The following MYO16 variants were observed in gnomAD, a reference collection of about 807,000 sequenced individuals.
MYO16 encodes unconventional myosin-XVI.
A neutral mutation model predicts 205.3 loss-of-function variants in MYO16; 94 were observed. The observed-to-expected ratio is 0.46, with a 90% CI of 0.39 to 0.54. The LOEUF is 0.54. MYO16 is among the 20% of genes least tolerant of loss of function. The pLI is 0.00. For missense variants in MYO16, 2,315 were observed against 2,387.5 expected (o/e 0.97, Z 0.63); for synonymous variants, 988 against 954.0 (o/e 1.04, Z -0.66).
intron 28 of MYO16, among the ~76,000 whole-genome samples, chr13:109,105,017 G>T (rs570613512): frequency 2.9e-3 from 443 of 152,298 alleles, no homozygotes; most frequent in Non-Finnish European, 5.2e-3. Flanking sequence ...CATCACGAGG[G>T]CTTTGTGTCT....
In MYO16 at chr13:108,841,704, T is replaced by C. The variant is rs1167982575; in HGVS notation, c.1098-2639T>C. Reference sequence around the variant, plus strand: ...AAACCAATATAAATAGTCAAAAGATTTGAGCCCACATTTTACCAAAGAAGA... The same window carrying C: ...AAACCAATATAAATAGTCAAAAGATCTGAGCCCACATTTTACCAAAGAAGA... On this transcript the variant is annotated intron_variant, in intron 9 of 34. Coordinates refer to ENST00000457511, the MANE Select transcript of MYO16 (RefSeq NM_001198950.3). Among the ~76,000 whole-genome samples, 3 of 152,228 alleles carry C rather than the reference T, an allele frequency of 2.0e-5. No individual in the cohort carries two copies. In the East Asian group the frequency reaches 5.8e-4, roughly 29 times the overall value.
At chr13:109,118,391 T>G (rs1338510749) in intron 28 of MYO16, among the ~76,000 whole-genome samples, 1 of 152,152 alleles carries the variant, frequency 6.6e-6, no homozygotes, top group East Asian at 1.9e-4. Flanking sequence ...TCATACTCAT[T>G]TTGTCCACCT....
At chr13:108,934,490 TA>T (rs1161204946) in intron 16 of MYO16, among the ~76,000 whole-genome samples, 4 of 152,226 alleles carry the variant, frequency 2.6e-5, no homozygotes, top group Non-Finnish European at 5.9e-5. Flanking sequence ...AGATTCTGAA[TA>T]TTAGACTTTT....
chr13:108,987,001 G>A (rs1399272017), intron 20 of MYO16, among the ~76,000 whole-genome samples: 1 of 152,136 alleles, frequency 6.6e-6, no homozygotes, highest in Non-Finnish European at 1.5e-5. Context: ...AATGAGGAGA[G>A]GCATTTTTAA....
intron 29 of MYO16, among the ~76,000 whole-genome samples, chr13:109,124,150 A>T (rs1246919357): frequency 6.6e-6 from 1 of 152,178 alleles, no homozygotes; most frequent in Non-Finnish European, 1.5e-5. Context: ...AGCCTGATCC[A>T]CTTCCACCCT....
At chr13:108,994,230 T>C (rs1884930828) in intron 21 of MYO16, among the ~76,000 whole-genome samples, 1 of 152,104 alleles carries the variant, frequency 6.6e-6, no homozygotes. Flanking sequence ...CCAGTCTCTA[T>C]TAAATGCCAA....
At chr13:109,170,829 T>A (rs1878894564) in intron 33 of MYO16, among the ~76,000 whole-genome samples, 1 of 152,142 alleles carries the variant, frequency 6.6e-6, no homozygotes. Flanking sequence ...GTTCTAAACT[T>A]CAGCATGTAA....
At chr13:108,532,720 G>A in the MYO16 span, among the ~76,000 whole-genome samples, 1 of 152,012 alleles carries the variant, frequency 6.6e-6, no homozygotes, top group African/African-American at 2.4e-5. Context: ...AAACCTGGGA[G>A]GTCGAGACTG....
At chr13:108,886,229 C>T (rs1414727211) in intron 13 of MYO16, among the ~76,000 whole-genome samples, 2 of 152,122 alleles carry the variant, frequency 1.3e-5, no homozygotes, top group African/African-American at 4.8e-5. Context: ...CCTTGTGATC[C>T]GCCCACCACA....
intron 34 of MYO16, among the ~76,000 whole-genome samples, chr13:109,191,947 C>A (rs1254246166): frequency 6.6e-6 from 1 of 152,094 alleles, no homozygotes; most frequent in Non-Finnish European, 1.5e-5. Flanking sequence ...CTCAAGATAT[C>A]AGAGAGTTGG....
Position 109,055,242 on chromosome 13 carries a change from A to C in MYO16, c.3129+116A>C. The stretch of plus-strand genomic sequence containing the variant: ...CTTAAATATCTTCACAAAAAAAGTA[A>C]ACATACACACACACACACACACACA... On this transcript the variant is annotated intron_variant, in intron 26 of 34. Transcript: ENST00000457511. This position sits in a 1 kb window ranked among gnomAD's most constrained non-coding sequence, Gnocchi z 5.0. 6 of 859,462 alleles carry C rather than the reference A, an allele frequency of 7.0e-6. No individual in the cohort carries two copies. The highest frequency in any genetic ancestry group is 1.0e-5 in the Non-Finnish European group (6 of 593,450). 53.2% of individuals were successfully genotyped at this position (859,462 alleles called of 1,614,324 possible). A position where few individuals can be genotyped will look rare whatever the true frequency, so the allele number is the denominator to read the frequency against.
At chr13:108,978,021 A>G (rs549019197) in intron 20 of MYO16, among the ~76,000 whole-genome samples, 3 of 151,936 alleles carry the variant, frequency 2.0e-5, no homozygotes, top group Non-Finnish European at 4.4e-5. Flanking sequence ...TTTTCTATCA[A>G]TTTCATGCAC....
chr13:108,707,342 C>T (rs114247039), intron 2 of MYO16, among the ~76,000 whole-genome samples: 2,495 of 152,226 alleles, frequency 0.016, 36 homozygotes, highest in Middle Eastern at 0.048. Flanking sequence ...CAATCAATGA[C>T]GTCAAGGAAC....
rs532122534 is a variant in MYO16, at chr13:109,018,668, C to T, written c.2596-1043C>T. Among the ~76,000 whole-genome samples the T allele has an allele frequency of 2.9e-4, 44 of 152,312 alleles. 2 individuals carry two copies. In the East Asian group the frequency reaches 4.4e-3, roughly 15 times the overall value. On this transcript the variant is annotated intron_variant, in intron 22 of 34. Transcript: ENST00000457511. ...CTCCTGGTGTGCCATTTGCTAAGAC[C>T]GTTGGAAAAGCACAATATTTGGGCG...
At chr13:108,699,082 C>G (rs893187311) in intron 2 of MYO16, among the ~76,000 whole-genome samples, 3 of 129,940 alleles carry the variant, frequency 2.3e-5, no homozygotes, top group African/African-American at 8.3e-5. Context: ...CTCTGTCTCT[C>G]TCTCTCTCTC....
chr13:108,638,959 G>C (rs1464114364), intron 1 of MYO16, among the ~76,000 whole-genome samples: 1 of 152,106 alleles, frequency 6.6e-6, no homozygotes, highest in South Asian at 2.1e-4. Context: ...AGGGAAGAAG[G>C]CCTGCACAAA....
At chr13:108,860,075 T>C (rs753519294) in intron 11 of MYO16, among the ~76,000 whole-genome samples, 2 of 152,024 alleles carry the variant, frequency 1.3e-5, no homozygotes, top group African/African-American at 4.8e-5. Context: ...TAAACACGTG[T>C]CATAGAGGTT....
chr13:108,550,959 A>G, the MYO16 span, among the ~76,000 whole-genome samples: 2 of 152,226 alleles, frequency 1.3e-5, no homozygotes, highest in Non-Finnish European at 2.9e-5. Context: ...CAGGAAATCA[A>G]TATTTTGCGG....
chr13:108,596,070 A>G (rs1216554489), upstream of MYO16: 1 of 150,090 alleles, frequency 6.7e-6, no homozygotes, highest in African/African-American at 2.4e-5. Flanking sequence ...AAGTCGATCT[A>G]CAGGAATCGG....
Sources: allele counts gnomAD v4.1 joint callset (sites outside exome capture counted in the v4.1 genomes callset), GRCh38; gene constraint gnomAD v4.1.1; non-coding constraint Gnocchi (gnomAD v3.1); transcripts MANE v1.5; gene names NCBI Gene and HGNC (gene_info 2026-07-23, HGNC 2026-07-21).